Variants in DOK5 observed in about 807,000 individuals in gnomAD.
DOK5 encodes docking protein 5.
In DOK5, 27 loss-of-function variants were observed where a neutral mutation model predicts 43.3. The ratio of observed to expected loss-of-function variants is 0.62; its 90% CI spans 0.46 to 0.86. The LOEUF is 0.86. DOK5 is among the 40% of genes least tolerant of loss of function. The pLI, the probability that DOK5 is intolerant of heterozygous loss-of-function variation, is 0.00. For missense variants in DOK5, 373 were observed against 392.9 expected, an observed-to-expected ratio of 0.95 and a Z score of 0.43; for synonymous variants, 146 against 140.1, an observed-to-expected ratio of 1.04 and a Z score of -0.30.
intron 1 of DOK5, among the ~76,000 whole-genome samples, chr20:54,495,860 C>A (rs936607438): frequency 2.0e-5 from 3 of 151,838 alleles, no homozygotes; most frequent in Non-Finnish European, 2.9e-5. Flanking sequence ...TCAGCCTGGG[C>A]AACAGAGTGA....
chr20:54,609,648 C>CTT (rs1986580658), intron 5 of DOK5, among the ~76,000 whole-genome samples: 1 of 151,904 alleles, frequency 6.6e-6, no homozygotes, highest in Non-Finnish European at 1.5e-5. Context: ...TTATTTGTTT[C>CTT]TTGCCTAATT....
Position 54,650,599 on chromosome 20 carries a change from A to G in DOK5, c.*120A>G. On this transcript the variant is annotated 3_prime_UTR_variant, in exon 8 of 8. Transcript: ENST00000262593. ...AGAGAAGAAGCTTAAAGTCCTGGCTAATTGTGTGGTCATTGGAAAACTCTG... is the reference window on the plus strand; with the variant it reads ...AGAGAAGAAGCTTAAAGTCCTGGCTGATTGTGTGGTCATTGGAAAACTCTG... 2 of 850,284 alleles carry G rather than the reference A, an allele frequency of 2.4e-6. No individual in the cohort carries two copies. The highest frequency in any genetic ancestry group is 5.3e-5 in the Admixed American group (2 of 37,406). The allele number at this position is 850,284 out of a possible 1,614,324, so 52.7% of individuals were successfully genotyped here. A position where few individuals can be genotyped will look rare whatever the true frequency, so the allele number is the denominator to read the frequency against.
chr20:54,611,759 G>A (rs1225114115), intron 6 of DOK5, among the ~76,000 whole-genome samples: 1 of 152,180 alleles, frequency 6.6e-6, no homozygotes, highest in African/African-American at 2.4e-5. Context: ...GGCAAGATTA[G>A]GGTAGTTTGA....
intron 1 of DOK5, among the ~76,000 whole-genome samples, chr20:54,545,788 C>T (rs1432862855): frequency 1.3e-5 from 2 of 152,192 alleles, no homozygotes; most frequent in African/African-American, 4.8e-5. Context: ...TTCAGAAAAA[C>T]TCCCTTCAAA....
chr20:54,482,821 G>T (rs999689526), intron 1 of DOK5, among the ~76,000 whole-genome samples: 1 of 152,120 alleles, frequency 6.6e-6, no homozygotes, highest in Non-Finnish European at 1.5e-5. Context: ...TGTTATTTAA[G>T]TATATGTATG....
chr20:54,553,508 T>C (rs182374644), intron 1 of DOK5, among the ~76,000 whole-genome samples: 37 of 151,784 alleles, frequency 2.4e-4, no homozygotes, highest in Admixed American at 1.8e-3. Flanking sequence ...TTTCTATTCT[T>C]TTTAGGTTAT....
At chr20:54,641,385 A>G (rs899054088) in intron 6 of DOK5, among the ~76,000 whole-genome samples, 3 of 152,120 alleles carry the variant, frequency 2.0e-5, no homozygotes, top group African/African-American at 7.2e-5. Flanking sequence ...TTTGGTCTTC[A>G]ACATATGAAG....
intron 1 of DOK5, among the ~76,000 whole-genome samples, chr20:54,510,275 C>T (rs1025096017): frequency 3.3e-5 from 5 of 152,070 alleles, no homozygotes; most frequent in African/African-American, 1.2e-4. Flanking sequence ...GCTGTTTATC[C>T]ACAAATCCTC....
At chr20:54,566,476 G>A (rs942593020) in intron 2 of DOK5, among the ~76,000 whole-genome samples, 1 of 152,142 alleles carries the variant, frequency 6.6e-6, no homozygotes, top group Non-Finnish European at 1.5e-5. Context: ...GTAGTTGCAC[G>A]TTTAGTTTTG....
chr20:54,619,026 TA>T (rs1986902158), intron 6 of DOK5, among the ~76,000 whole-genome samples: 1,195 of 42,762 alleles, frequency 0.028, 75 homozygotes, highest in Non-Finnish European at 0.05. Context: ...CAATAAATTA[TA>T]TATATATATA....
intron 2 of DOK5, among the ~76,000 whole-genome samples, chr20:54,569,390 T>C (rs887565027): frequency 2.6e-5 from 4 of 152,222 alleles, no homozygotes; most frequent in Non-Finnish European, 5.9e-5. Context: ...ATTTAACAGC[T>C]CTAGCGTACT....
At chr20:54,566,019 A>AAC (rs1358177468) in intron 2 of DOK5, among the ~76,000 whole-genome samples, 34 of 151,412 alleles carry the variant, frequency 2.2e-4, no homozygotes, top group African/African-American at 7.3e-4. Flanking sequence ...TCCGTCTCAA[A>AAC]AAAAAAAAAA....
At chr20:54,479,336 T>A (rs1981571238) in intron 1 of DOK5, among the ~76,000 whole-genome samples, 1 of 152,098 alleles carries the variant, frequency 6.6e-6, no homozygotes. Context: ...AGCTGTGCCC[T>A]GGGTACTGAA....
chr20:54,619,026 TATATATATATATATATATATATATATA>T lies in DOK5; in HGVS notation c.735+8504_735+8530del, dbSNP rs1986903158. Among the ~76,000 whole-genome samples the T allele has an allele frequency of 5.1e-4, 22 of 42,818 alleles. 1 individual carries two copies. Among genetic ancestry groups the T allele is most frequent in the Admixed American group, 2.2e-3 (8 of 3,568 alleles). The allele number at this position is 42,818 out of a possible 152,430, so 28.1% of individuals were successfully genotyped here. A position where few individuals can be genotyped will look rare whatever the true frequency, so the allele number is the denominator to read the frequency against. On this transcript the variant is annotated intron_variant, in intron 6 of 7. Coordinates refer to ENST00000262593, the MANE Select transcript of DOK5 (RefSeq NM_018431.5). ...AACAAGACCTTGTTTCAATAAATTATATATATATATATATATATATATATATATATATATATATATATATATATGAAA... is the reference window on the plus strand; with the variant it reads ...AACAAGACCTTGTTTCAATAAATTATTATATATATATATATATATATGAAA...
intron 2 of DOK5, among the ~76,000 whole-genome samples, chr20:54,565,975 G>A (rs927385402): frequency 4.1e-5 from 6 of 147,686 alleles, no homozygotes; most frequent in African/African-American, 1.5e-4. Context: ...TGGAGATCAC[G>A]TCACTGCACT....
intron 1 of DOK5, among the ~76,000 whole-genome samples, chr20:54,544,670 G>C (rs111238970): frequency 8.0e-4 from 122 of 152,158 alleles, no homozygotes; most frequent in African/African-American, 2.7e-3. Context: ...TAGTTTGATG[G>C]GCAAGGGAAT....
intron 2 of DOK5, among the ~76,000 whole-genome samples, chr20:54,566,012 G>C (rs775208807): frequency 8.1e-6 from 1 of 123,790 alleles, no homozygotes; most frequent in Non-Finnish European, 1.6e-5. Flanking sequence ...GCGAGATTCC[G>C]TCTCAAAAAA....
At chr20:54,584,326 T>C (rs1172588157) in intron 2 of DOK5, among the ~76,000 whole-genome samples, 2 of 151,852 alleles carry the variant, frequency 1.3e-5, no homozygotes, top group Non-Finnish European at 2.9e-5. Context: ...CATTTTCTTT[T>C]GTGTGTCTCT....
chr20:54,609,880 G>T lies in DOK5; in HGVS notation c.600-508G>T, dbSNP rs532013063. Among the ~76,000 whole-genome samples the T allele has an allele frequency of 2.0e-5, 3 of 152,264 alleles. No individual in the cohort carries two copies. In the South Asian group the frequency reaches 6.2e-4, roughly 32 times the overall value. ...GATCCATCACATTGAATGAAAGCTG[G>T]AGTAATATTTGATCTAGGATTTTAG... On this transcript the variant is annotated intron_variant, in intron 5 of 7. Transcript: ENST00000262593.
Sources: allele counts gnomAD v4.1 joint callset (sites outside exome capture counted in the v4.1 genomes callset), GRCh38; gene constraint gnomAD v4.1.1; transcripts MANE v1.5; gene names NCBI Gene and HGNC (gene_info 2026-07-23, HGNC 2026-07-21).